Variants in MYO5B observed in about 807,000 individuals in gnomAD.
The protein encoded by MYO5B is unconventional myosin-Vb.
Under a neutral mutation model 229.3 loss-of-function variants are expected in MYO5B, and 143 were observed. That is an observed-to-expected ratio of 0.62 (90% CI 0.54 to 0.72). MYO5B has a LOEUF of 0.72. MYO5B is among the 30% of genes least tolerant of loss of function. The pLI, the probability that MYO5B is intolerant of heterozygous loss-of-function variation, is 0.00. For synonymous variants in MYO5B, 918 were observed against 885.2 expected, an observed-to-expected ratio of 1.04 and a Z score of -0.66; for missense variants, 2,321 against 2,331.0, an observed-to-expected ratio of 1.00 and a Z score of 0.09.
intron 20 of MYO5B, 45 bp downstream of exon 20, chr18:49,904,627 T>C (rs749868710): frequency 1.7e-5 from 28 of 1,613,278 alleles, no homozygotes; most frequent in Non-Finnish European, 2.4e-5. Context: ...GTTGCCACTT[T>C]AGTTCTGAAT....
chr18:49,864,054 C>T (rs1392832906), intron 28 of MYO5B, 87 bp downstream of exon 28: 1 of 1,576,510 alleles, frequency 6.3e-7, no homozygotes, highest in Non-Finnish European at 8.6e-7. Context: ...GTTTTAGACC[C>T]TCGTGGGTAA....
At chr18:49,870,830 T>C (rs914412437) in intron 27 of MYO5B, among the ~76,000 whole-genome samples, 21 of 152,334 alleles carry the variant, frequency 1.4e-4, no homozygotes, top group African/African-American at 5.1e-4. Flanking sequence ...CTGGAATCCT[T>C]GTGCACTGCT....
intron 9 of MYO5B, among the ~76,000 whole-genome samples, chr18:49,975,046 TCGGAGTAA>T (rs1286766422): frequency 6.6e-6 from 1 of 152,190 alleles, no homozygotes; most frequent in Non-Finnish European, 1.5e-5. Context: ...TGCAATCCAT[TCGGAGTAA>T]CGAACACATT....
chr18:50,080,250 T>G (rs540736930), intron 1 of MYO5B, among the ~76,000 whole-genome samples: 2 of 152,214 alleles, frequency 1.3e-5, no homozygotes, highest in South Asian at 4.2e-4. Flanking sequence ...AACTTGGTAT[T>G]AGTGACAAGG....
intron 2 of MYO5B, among the ~76,000 whole-genome samples, chr18:50,040,940 T>G (rs570933880): frequency 6.6e-6 from 1 of 152,328 alleles, no homozygotes; most frequent in South Asian, 2.1e-4. Flanking sequence ...TTCTTAGCAC[T>G]TGGACAACAT....
chr18:49,958,116 T>C (rs929984788), intron 12 of MYO5B, among the ~76,000 whole-genome samples: 2 of 152,208 alleles, frequency 1.3e-5, no homozygotes, highest in African/African-American at 4.8e-5. Context: ...TCCTTACCCA[T>C]ACCTGGGTGG....
At chr18:49,846,791 A>G (rs1640050535) in intron 33 of MYO5B, among the ~76,000 whole-genome samples, 1 of 152,146 alleles carries the variant, frequency 6.6e-6, no homozygotes, top group South Asian at 2.1e-4. Flanking sequence ...ATGAGCTTCC[A>G]TCATTGCCAA....
intron 28 of MYO5B, 117 bp downstream of exon 28, chr18:49,864,024 G>A (rs1568615491): frequency 4.0e-6 from 6 of 1,489,402 alleles, no homozygotes; most frequent in East Asian, 2.3e-5. Flanking sequence ...ACCCCACAGC[G>A]AGAGACTCTG....
At chr18:50,175,762 G>A (rs2032986854) in intron 1 of MYO5B, among the ~76,000 whole-genome samples, 1 of 152,208 alleles carries the variant, frequency 6.6e-6, no homozygotes, top group South Asian at 2.1e-4. Flanking sequence ...TGGCATCCTT[G>A]CTGGAAAGCA....
chr18:49,872,149 G>T lies in MYO5B; in HGVS notation c.3603+18C>A. On this transcript the variant is annotated intron_variant, in intron 27 of 39. Transcript: ENST00000285039. ...GCCAGGGGAGTGTTCCAGGAAGCCT[G>T]TCCCCCAAGAATCTTACCTTCAGAC... 1.2e-6 allele frequency: 2 copies of T among 1,613,030 alleles called. No homozygotes were observed. The highest frequency in any genetic ancestry group is 1.7e-6 in the Non-Finnish European group (2 of 1,179,240).
chr18:50,071,877 G>T (rs1294345686), intron 1 of MYO5B, among the ~76,000 whole-genome samples: 1 of 152,234 alleles, frequency 6.6e-6, no homozygotes, highest in African/African-American at 2.4e-5. Flanking sequence ...GCATCTGAGA[G>T]GAATTTCACT....
At chr18:50,126,704 C>T (rs911077089) in intron 1 of MYO5B, 1 of 154,192 alleles carries the variant, frequency 6.5e-6, no homozygotes, top group Non-Finnish European at 1.5e-5. Context: ...TCAAATGGGT[C>T]TCAGAACAGC....
At position 49,877,865 on chromosome 18, in the gene MYO5B, C is replaced by T; in HGVS notation, c.3294G>A (p.Arg1098=). Residue 1098 remains arginine (R), a synonymous_variant, in exon 25 of 40, where the codon AGG becomes AGA. Coordinates refer to ENST00000285039, the MANE Select transcript of MYO5B (RefSeq NM_001080467.3). ...AGCTACTTTGGTTTGATGGGTTCCGCCTATGACCTGGAGTTTGCTGTTCAA... is the reference window on the plus strand; with the variant it reads ...AGCTACTTTGGTTTGATGGGTTCCGTCTATGACCTGGAGTTTGCTGTTCAA... ...MTIIKQTPGH[R]RNPSNQSSLE... 3 of 1,614,142 alleles carry T rather than the reference C, an allele frequency of 1.9e-6. No homozygotes were observed. The highest frequency in any genetic ancestry group is 1.1e-5 in the South Asian group (1 of 91,080).
At chr18:49,876,307 G>A (rs2024522536) in intron 25 of MYO5B, 2 of 261,558 alleles carry the variant, frequency 7.6e-6, no homozygotes, top group Non-Finnish European at 1.5e-5. Flanking sequence ...GCTCTGCCCC[G>A]GAACCTATTT....
At chr18:50,048,146 T>A (rs985358582) in intron 2 of MYO5B, among the ~76,000 whole-genome samples, 2 of 150,616 alleles carry the variant, frequency 1.3e-5, no homozygotes, top group African/African-American at 5.0e-5. Context: ...ATGACTGTTC[T>A]GCTGTGTCTC....
At chr18:49,863,105 TAATA>T (rs2024350690) in intron 29 of MYO5B, 118 bp downstream of exon 29, 2 of 789,152 alleles carry the variant, frequency 2.5e-6, no homozygotes, top group African/African-American at 1.7e-5. Flanking sequence ...CTGTGTCCTC[TAATA>T]AATAATTCTC....
At chr18:50,162,282 T>C (rs1281744786) in intron 1 of MYO5B, among the ~76,000 whole-genome samples, 2 of 151,804 alleles carry the variant, frequency 1.3e-5, no homozygotes, top group Admixed American at 6.6e-5. Flanking sequence ...TCCTGAACCA[T>C]CCCTCCCTCC....
intron 1 of MYO5B, among the ~76,000 whole-genome samples, chr18:50,159,120 C>T (rs2032725643): frequency 6.6e-6 from 1 of 152,136 alleles, no homozygotes; most frequent in African/African-American, 2.4e-5. Flanking sequence ...CCAGAGCTGT[C>T]AATCACTTCT....
chr18:50,023,708 T>C (rs1015457228), intron 4 of MYO5B, among the ~76,000 whole-genome samples: 6 of 152,192 alleles, frequency 3.9e-5, no homozygotes, highest in African/African-American at 1.4e-4. Flanking sequence ...GAATAGTCTG[T>C]TCTAGCAGCT....
Sources: gnomAD v4.1 joint callset for allele counts (sites outside exome capture counted in the v4.1 genomes callset) on GRCh38, gnomAD v4.1.1 for gene constraint, MANE v1.5 for transcripts, NCBI Gene and HGNC (gene_info 2026-07-23, HGNC 2026-07-21) for gene names.